The following DPP10 variants were observed in gnomAD, a reference collection of about 807,000 sequenced individuals.
The protein encoded by DPP10 is inactive dipeptidyl peptidase 10.
A neutral mutation model predicts 120.9 loss-of-function variants in DPP10; 33 were observed. The observed-to-expected ratio is 0.27, with a 90% CI of 0.21 to 0.37. DPP10 has a LOEUF of 0.37. Among genes scored for constraint, DPP10 ranks in the 10% least tolerant of loss-of-function variants. DPP10 has a pLI of 1.00. For synonymous variants in DPP10, 337 were observed against 326.1 expected (o/e 1.03, Z -0.36); for missense variants, 816 against 942.8 (o/e 0.87, Z 1.76).
intron 1 of DPP10, among the ~76,000 whole-genome samples, chr2:114,652,953 G>C (rs1027196632): frequency 1.3e-4 from 19 of 151,196 alleles, no homozygotes; most frequent in Non-Finnish European, 2.6e-4. Context: ...TACCACCAAT[G>C]GGCATCTTGT....
intron 1 of DPP10, among the ~76,000 whole-genome samples, chr2:114,958,359 G>A (rs1393425985): frequency 6.6e-6 from 1 of 152,118 alleles, no homozygotes; most frequent in Non-Finnish European, 1.5e-5. Flanking sequence ...TCAGCCACAA[G>A]GACTCAAATA....
At chr2:114,493,304 A>C (rs1052003622) in intron 1 of DPP10, among the ~76,000 whole-genome samples, 1 of 152,148 alleles carries the variant, frequency 6.6e-6, no homozygotes, top group Non-Finnish European at 1.5e-5. Flanking sequence ...AGAGAGAGAA[A>C]GGGCCAGAGA....
chr2:114,680,459 C>T (rs571855254), intron 1 of DPP10, among the ~76,000 whole-genome samples: 1 of 152,042 alleles, frequency 6.6e-6, no homozygotes, highest in African/African-American at 2.4e-5. Context: ...TTCCTTCTGT[C>T]TTAGAAGTGT....
In DPP10 at chr2:115,576,430, C is replaced by G. The variant is rs1012981170; in HGVS notation, c.441+50458C>G. ...TAAATGAGTCTCAGGTTCCTAATCT[C>G]AAGAATATTTTAGACGCTAAGCACA... On this transcript the variant is annotated intron_variant, in intron 5 of 25. Coordinates refer to ENST00000410059, the MANE Select transcript of DPP10 (RefSeq NM_020868.6). 3.3e-5 allele frequency among the ~76,000 whole-genome samples: 5 copies of G among 152,242 alleles called. No homozygotes were observed. In the East Asian group the frequency reaches 9.7e-4, roughly 29 times the overall value.
chr2:114,706,882 G>T (rs978121037), intron 1 of DPP10, among the ~76,000 whole-genome samples: 1 of 151,460 alleles, frequency 6.6e-6, no homozygotes, highest in African/African-American at 2.4e-5. Flanking sequence ...CAAGGAGGGG[G>T]ATGTGAAAAT....
chr2:115,480,936 T>G (rs1462400009), intron 3 of DPP10, among the ~76,000 whole-genome samples: 1 of 152,146 alleles, frequency 6.6e-6, no homozygotes, highest in African/African-American at 2.4e-5. Flanking sequence ...GATCTTTAGC[T>G]CTTGCATAAA....
intron 1 of DPP10, among the ~76,000 whole-genome samples, chr2:114,585,418 T>C (rs1690877586): frequency 6.6e-6 from 1 of 152,224 alleles, no homozygotes; most frequent in Admixed American, 6.5e-5. Flanking sequence ...ATGTGATTAG[T>C]CCAGCTCCAC....
chr2:115,104,170 C>CTTTTT (rs35125894), intron 1 of DPP10, among the ~76,000 whole-genome samples: 138 of 84,654 alleles, frequency 1.6e-3, no homozygotes, highest in Middle Eastern at 0.012. Context: ...ATACATATGT[C>CTTTTT]TTTTTTTTTT....
chr2:114,748,301 G>A (rs536484223), intron 1 of DPP10, among the ~76,000 whole-genome samples: 30 of 143,696 alleles, frequency 2.1e-4, no homozygotes, highest in African/African-American at 7.2e-4. Flanking sequence ...TGCATCTTGA[G>A]CATCCAAATT....
chr2:115,265,220 C>T (rs2059409824), intron 1 of DPP10, among the ~76,000 whole-genome samples: 1 of 151,298 alleles, frequency 6.6e-6, no homozygotes, highest in South Asian at 2.1e-4. Flanking sequence ...TCAATATGTA[C>T]ACATCGATGT....
chr2:115,311,382 C>A (rs939552897), intron 2 of DPP10, among the ~76,000 whole-genome samples: 23 of 152,142 alleles, frequency 1.5e-4, no homozygotes, highest in African/African-American at 5.3e-4. Context: ...TACTTATTGA[C>A]CACCAGAAAC....
intron 5 of DPP10, among the ~76,000 whole-genome samples, chr2:115,672,934 A>C (rs953921464): frequency 6.6e-6 from 1 of 151,842 alleles, no homozygotes; most frequent in South Asian, 2.1e-4. Flanking sequence ...TTTTTAGTAG[A>C]GACTGGGTTG....
At chr2:115,555,226 A>C (rs545729133) in intron 5 of DPP10, among the ~76,000 whole-genome samples, 1 of 152,190 alleles carries the variant, frequency 6.6e-6, no homozygotes, top group African/African-American at 2.4e-5. Flanking sequence ...TCTTTCCTGG[A>C]AACTTAGAAC....
chr2:114,738,882 C>A (rs1677734009), intron 1 of DPP10, among the ~76,000 whole-genome samples: 1 of 151,974 alleles, frequency 6.6e-6, no homozygotes, highest in Non-Finnish European at 1.5e-5. Context: ...TCGTTTATTT[C>A]TTCCAGATAT....
In DPP10 at chr2:115,494,710, T is replaced by G. The variant is rs555958469; in HGVS notation, c.272-4800T>G. On this transcript the variant is annotated intron_variant, in intron 3 of 25. Transcript: ENST00000410059. ...ATTTTATTTTTAATTGCTCAGCTTT[T>G]TTTATTGAGTATAGTTTCTTTTAAA... 1.4e-3 allele frequency among the ~76,000 whole-genome samples: 213 copies of G among 152,294 alleles called. 1 individual carries two copies. The highest frequency in any genetic ancestry group is 2.4e-3 in the Non-Finnish European group (163 of 68,028).
chr2:115,735,291 T>A (rs895771835), intron 8 of DPP10, among the ~76,000 whole-genome samples: 1 of 152,148 alleles, frequency 6.6e-6, no homozygotes, highest in African/African-American at 2.4e-5. Context: ...ATATCTGAAA[T>A]CTGTAAACAT....
chr2:115,153,753 T>C (rs1445018817), intron 1 of DPP10, among the ~76,000 whole-genome samples: 2 of 152,164 alleles, frequency 1.3e-5, no homozygotes, highest in Admixed American at 1.3e-4. Context: ...ATACTTATAT[T>C]TTTCCCTAAA....
intron 3 of DPP10, among the ~76,000 whole-genome samples, chr2:115,458,866 A>C (rs2073794031): frequency 6.6e-6 from 1 of 152,200 alleles, no homozygotes; most frequent in Non-Finnish European, 1.5e-5. Flanking sequence ...AACATGTAAA[A>C]TATACACACT....
intron 3 of DPP10, among the ~76,000 whole-genome samples, chr2:115,435,200 A>G (rs1308467069): frequency 6.6e-6 from 1 of 151,846 alleles, no homozygotes; most frequent in Non-Finnish European, 1.5e-5. Context: ...CTGTGTACCC[A>G]GCAGCGAGAT....
Sources: allele counts gnomAD v4.1 joint callset (sites outside exome capture counted in the v4.1 genomes callset), GRCh38; gene constraint gnomAD v4.1.1; transcripts MANE v1.5; gene names NCBI Gene and HGNC (gene_info 2026-07-23, HGNC 2026-07-21).